RBFOX1: variants seen among roughly 807,000 people sequenced by gnomAD.
RBFOX1 encodes the protein RNA binding fox-1 homolog 1.
In RBFOX1, 8 loss-of-function variants were observed where a neutral mutation model predicts 57.7. That is an observed-to-expected ratio of 0.14 (90% CI 0.08 to 0.25). RBFOX1 has a LOEUF of 0.25. Among genes scored for constraint, RBFOX1 ranks in the 10% least tolerant of loss-of-function variants. The pLI is 1.00. For missense variants in RBFOX1, 611 were observed against 548.5 expected (o/e 1.11, Z -1.14); for synonymous variants, 326 against 222.4 (o/e 1.47, Z -4.15).
chr16:6,137,374 G>A (rs1340022334), intron 1 of RBFOX1, among the ~76,000 whole-genome samples: 5 of 151,976 alleles, frequency 3.3e-5, no homozygotes, highest in Non-Finnish European at 5.9e-5. Flanking sequence ...GCGTGATCCC[G>A]GCTCACTGCA....
At chr16:6,229,359 C>T (rs1239257216) in intron 1 of RBFOX1, among the ~76,000 whole-genome samples, 14 of 152,218 alleles carry the variant, frequency 9.2e-5, no homozygotes, top group Admixed American at 7.8e-4. Context: ...CTAGATCTCT[C>T]CTGCCACTAG....
chr16:6,773,822 G>A, intron 3 of RBFOX1: 1 of 305,230 alleles, frequency 3.3e-6, no homozygotes, highest in Non-Finnish European at 4.8e-6. Context: ...CATTTGTGTT[G>A]TGGGGGCATG....
intron 3 of RBFOX1, among the ~76,000 whole-genome samples, chr16:5,731,780 A>G (rs1319243181): frequency 6.6e-6 from 1 of 152,206 alleles, no homozygotes; most frequent in Admixed American, 6.5e-5. Context: ...AAGAGGATAG[A>G]TGACAGGAAG....
At chr16:5,616,392 C>A (rs1042433518) in intron 3 of RBFOX1, among the ~76,000 whole-genome samples, 13 of 152,180 alleles carry the variant, frequency 8.5e-5, no homozygotes, top group African/African-American at 3.1e-4. Context: ...CCAGCGAGGT[C>A]CAGGCGCTGC....
chr16:7,589,621 G>A (rs1030078103), intron 7 of RBFOX1, among the ~76,000 whole-genome samples: 2 of 151,920 alleles, frequency 1.3e-5, no homozygotes, highest in African/African-American at 4.8e-5. Context: ...TGCTGGAATG[G>A]CACTGAGACA....
chr16:6,811,561 G>A (rs1316993751), intron 3 of RBFOX1, among the ~76,000 whole-genome samples: 14 of 152,148 alleles, frequency 9.2e-5, no homozygotes, highest in Admixed American at 3.9e-4. Flanking sequence ...GTTTTCTGGC[G>A]TTGGGAAGAT....
intron 3 of RBFOX1, among the ~76,000 whole-genome samples, chr16:6,729,373 A>G (rs537371606): frequency 3.3e-5 from 5 of 152,310 alleles, no homozygotes; most frequent in African/African-American, 1.2e-4. Context: ...TCACTCACTC[A>G]TTAATAAAAT....
intron 3 of RBFOX1, among the ~76,000 whole-genome samples, chr16:6,986,191 T>TATTTATTG (rs2090224314): frequency 1.4e-5 from 2 of 147,366 alleles, no homozygotes; most frequent in Non-Finnish European, 1.5e-5. Context: ...TATTTTTATT[T>TATTTATTG]ATTTATTTAT....
chr16:5,258,478 C>T (rs568426393), intron 1 of RBFOX1, among the ~76,000 whole-genome samples: 14 of 152,236 alleles, frequency 9.2e-5, no homozygotes, highest in African/African-American at 2.4e-4. Context: ...CCTCTAAGAT[C>T]GAGTTTACAT....
At chr16:7,270,998 C>G (rs930230608) in intron 4 of RBFOX1, among the ~76,000 whole-genome samples, 2 of 152,136 alleles carry the variant, frequency 1.3e-5, no homozygotes, top group Non-Finnish European at 2.9e-5. Context: ...AAGTTGGGGC[C>G]TGTGTCTTTA....
chr16:6,181,466 G>T (rs1047950931), intron 1 of RBFOX1, among the ~76,000 whole-genome samples: 3 of 152,172 alleles, frequency 2.0e-5, no homozygotes, highest in Non-Finnish European at 4.4e-5. Context: ...TGTCCACAAG[G>T]ATTATTGCTA....
At chr16:5,709,446 T>C (rs918875522) in intron 3 of RBFOX1, among the ~76,000 whole-genome samples, 1 of 152,112 alleles carries the variant, frequency 6.6e-6, no homozygotes, top group East Asian at 1.9e-4. Flanking sequence ...ATTTTCGTGA[T>C]GGCATGTTTT....
chr16:6,173,465 A>T (rs1409383965), intron 1 of RBFOX1, among the ~76,000 whole-genome samples: 3 of 152,124 alleles, frequency 2.0e-5, no homozygotes, highest in Non-Finnish European at 4.4e-5. Context: ...GCATGTGCAC[A>T]CATAGACACA....
intron 1 of RBFOX1, among the ~76,000 whole-genome samples, chr16:5,373,168 C>T (rs948144983): frequency 1.3e-5 from 2 of 152,160 alleles, no homozygotes; most frequent in African/African-American, 4.8e-5. Context: ...CATTGAGACA[C>T]ACAGCTGCTG....
chr16:5,927,745 A>G lies in RBFOX1; in HGVS notation c.351+60410A>G, dbSNP rs138194850. The stretch of plus-strand genomic sequence containing the variant: ...GGTAAAAATAATGTGGTGTATATAC[A>G]TGATGGAATACTATTCAGCCTTGAA... On this transcript the variant is annotated intron_variant, in intron 4 of 19. Transcript: ENST00000641259. Among the ~76,000 whole-genome samples, 22 of 152,376 alleles carry G rather than the reference A, an allele frequency of 1.4e-4. No individual in the cohort carries two copies. The East Asian group carries it at 3.9e-3, about 27-fold the overall frequency.
At chr16:7,322,564 T>C (rs187517719) in intron 4 of RBFOX1, among the ~76,000 whole-genome samples, 1 of 152,216 alleles carries the variant, frequency 6.6e-6, no homozygotes, top group Non-Finnish European at 1.5e-5. Context: ...CTTTGGTGAA[T>C]TTCACAAGAG....
intron 3 of RBFOX1, among the ~76,000 whole-genome samples, chr16:6,991,159 A>AG (rs1360901150): frequency 1.3e-5 from 2 of 149,492 alleles, no homozygotes; most frequent in African/African-American, 2.5e-5. Flanking sequence ...AAAAAAAAAA[A>AG]AAAGACACGG....
chr16:5,336,522 C>T (rs920745181), intron 1 of RBFOX1, among the ~76,000 whole-genome samples: 22 of 152,218 alleles, frequency 1.4e-4, no homozygotes, highest in Admixed American at 8.5e-4. Context: ...GTGGATGAGC[C>T]GTCCTAGGTA....
At chr16:7,695,045 A>T (rs8055404) in intron 14 of RBFOX1, among the ~76,000 whole-genome samples, 1 of 152,070 alleles carries the variant, frequency 6.6e-6, no homozygotes, top group African/African-American at 2.4e-5. Flanking sequence ...GGCGACAGAA[A>T]ATGAAAGTTT....
Sources: gnomAD v4.1 joint callset for allele counts (sites outside exome capture counted in the v4.1 genomes callset) on GRCh38, gnomAD v4.1.1 for gene constraint, MANE v1.5 for transcripts, NCBI Gene and HGNC (gene_info 2026-07-23, HGNC 2026-07-21) for gene names.